Variants in FSTL5 observed in about 807,000 individuals in gnomAD.
FSTL5 encodes follistatin like 5.
In FSTL5, 62 loss-of-function variants were observed where a neutral mutation model predicts 89.1. The observed-to-expected ratio is 0.70, with a 90% confidence interval of 0.57 to 0.86. FSTL5 has a LOEUF of 0.86. Ranked by LOEUF, FSTL5 falls within the 40% of genes least tolerant of loss-of-function variation. FSTL5 has a pLI of 0.00. For missense variants in FSTL5, 1,057 were observed against 1,001.6 expected (o/e 1.06, Z -0.75); for synonymous variants, 383 against 346.2 (o/e 1.11, Z -1.18).
chr4:162,083,634 T>C (rs998659543), intron 2 of FSTL5, among the ~76,000 whole-genome samples: 1 of 151,810 alleles, frequency 6.6e-6, no homozygotes, highest in African/African-American at 2.4e-5. Flanking sequence ...GGAAAATCCA[T>C]GTCACTAGCT....
chr4:161,576,959 A>G (rs1188195402), intron 8 of FSTL5, among the ~76,000 whole-genome samples: 2 of 152,218 alleles, frequency 1.3e-5, no homozygotes, highest in African/African-American at 2.4e-5. Context: ...TTCTCCATAC[A>G]TAGTGACAAA....
intron 4 of FSTL5, among the ~76,000 whole-genome samples, chr4:161,845,717 A>T (rs1205511568): frequency 6.6e-6 from 1 of 152,142 alleles, no homozygotes; most frequent in East Asian, 1.9e-4. Context: ...TTGTCATGTT[A>T]TTCTTAGCTG....
intron 7 of FSTL5, among the ~76,000 whole-genome samples, chr4:161,595,138 T>C (rs865983468): frequency 1.3e-5 from 2 of 152,210 alleles, no homozygotes; most frequent in African/African-American, 4.8e-5. Context: ...TTGAGTTTTG[T>C]TATATGTATA....
At chr4:161,666,685 G>C (rs112666818) in intron 6 of FSTL5, among the ~76,000 whole-genome samples, 217 of 152,148 alleles carry the variant, frequency 1.4e-3, no homozygotes, top group African/African-American at 5.0e-3. Flanking sequence ...TATGGGGAGA[G>C]AACAGTATGA....
chr4:161,791,934 A>G (rs370882525), intron 4 of FSTL5, among the ~76,000 whole-genome samples: 2 of 152,196 alleles, frequency 1.3e-5, no homozygotes, highest in South Asian at 4.1e-4. Context: ...CCGCAGAGCC[A>G]GTGGGAGCTG....
At chr4:161,697,177 C>A (rs974490384) in intron 6 of FSTL5, among the ~76,000 whole-genome samples, 10 of 152,170 alleles carry the variant, frequency 6.6e-5, no homozygotes. Flanking sequence ...ATGCCATCCT[C>A]AAGGTTGCCT....
At chr4:161,947,402 CTTGAG>C (rs1238688129) in intron 3 of FSTL5, among the ~76,000 whole-genome samples, 2 of 151,966 alleles carry the variant, frequency 1.3e-5, no homozygotes, top group African/African-American at 4.8e-5. Flanking sequence ...TATGATACAT[CTTGAG>C]TTAATTTTTA....
At chr4:161,428,451 G>A (rs1192578730) in intron 15 of FSTL5, among the ~76,000 whole-genome samples, 4 of 152,168 alleles carry the variant, frequency 2.6e-5, no homozygotes, top group Admixed American at 2.0e-4. Flanking sequence ...TTGCAGCTTC[G>A]GGACAGACTC....
At chr4:161,899,156 C>T (rs1733269631) in intron 4 of FSTL5, among the ~76,000 whole-genome samples, 1 of 152,090 alleles carries the variant, frequency 6.6e-6, no homozygotes, top group Non-Finnish European at 1.5e-5. Flanking sequence ...CTGTATCAAC[C>T]ATGGGATTCT....
chr4:161,907,586 T>C lies in FSTL5; in HGVS notation c.409+12818A>G, dbSNP rs1241069441. Among the ~76,000 whole-genome samples, 4 of 152,010 alleles carry C rather than the reference T, an allele frequency of 2.6e-5. No homozygotes were observed. The East Asian group carries it at 7.7e-4, about 29-fold the overall frequency. On this transcript the variant is annotated intron_variant, in intron 4 of 15. Coordinates refer to ENST00000306100, the MANE Select transcript of FSTL5 (RefSeq NM_020116.5). ...AAAATCTGCTATTCACCAGACATGG[T>C]TTTCTAAATTATTAAATGTGTGCAT...
At chr4:161,990,146 T>C (rs1195035323) in intron 3 of FSTL5, among the ~76,000 whole-genome samples, 1 of 152,190 alleles carries the variant, frequency 6.6e-6, no homozygotes, top group Non-Finnish European at 1.5e-5. Flanking sequence ...GTGAATTCTA[T>C]CTAAACTAGT....
At chr4:161,588,604 A>AT (rs1733700132) in intron 7 of FSTL5, among the ~76,000 whole-genome samples, 5 of 152,184 alleles carry the variant, frequency 3.3e-5, no homozygotes, top group African/African-American at 1.2e-4. Context: ...TATTCTGGCA[A>AT]AAATTGCCAA....
chr4:161,983,269 T>C (rs1735875543), intron 3 of FSTL5, among the ~76,000 whole-genome samples: 1 of 152,176 alleles, frequency 6.6e-6, no homozygotes. Context: ...TTCCGTCTTT[T>C]ATGACTTCCA....
At chr4:161,729,022 A>G (rs1739513269) in intron 6 of FSTL5, among the ~76,000 whole-genome samples, 1 of 152,040 alleles carries the variant, frequency 6.6e-6, no homozygotes, top group Admixed American at 6.6e-5. Flanking sequence ...TGCACCCATG[A>G]TTACTTTCTG....
At chr4:161,982,880 T>G (rs1269237350) in intron 3 of FSTL5, among the ~76,000 whole-genome samples, 1 of 152,178 alleles carries the variant, frequency 6.6e-6, no homozygotes, top group Non-Finnish European at 1.5e-5. Context: ...CTTAGTTATA[T>G]CATGACACTT....
At chr4:161,813,753 T>C (rs1429988347) in intron 4 of FSTL5, among the ~76,000 whole-genome samples, 1 of 135,532 alleles carries the variant, frequency 7.4e-6, no homozygotes, top group Non-Finnish European at 1.6e-5. Context: ...ATATTCTTAA[T>C]TGTTTATTTC....
chr4:161,504,367 G>A (rs17399380), intron 11 of FSTL5, among the ~76,000 whole-genome samples: 4,978 of 151,942 alleles, frequency 0.033, 130 homozygotes, highest in Non-Finnish European at 0.044. Context: ...CTCTCTTCAT[G>A]AATGCATTGT....
At chr4:161,532,562 A>C (rs528814493) in intron 10 of FSTL5, among the ~76,000 whole-genome samples, 2 of 152,210 alleles carry the variant, frequency 1.3e-5, no homozygotes, top group Non-Finnish European at 2.9e-5. Context: ...AAATAAGAAA[A>C]GTATATTTAT....
chr4:161,481,954 G>T (rs939050956), intron 12 of FSTL5, among the ~76,000 whole-genome samples: 1 of 152,144 alleles, frequency 6.6e-6, no homozygotes, highest in Admixed American at 6.5e-5. Context: ...ATGTTTTCAC[G>T]TTTTCTTTTA....
Sources: gnomAD v4.1 joint callset for allele counts (sites outside exome capture counted in the v4.1 genomes callset) on GRCh38, gnomAD v4.1.1 for gene constraint, MANE v1.5 for transcripts, NCBI Gene and HGNC (gene_info 2026-07-23, HGNC 2026-07-21) for gene names.